The following IDE variants were observed in gnomAD, a reference collection of about 807,000 sequenced individuals.
IDE encodes the protein insulin-degrading enzyme.
In IDE, 58 loss-of-function variants were observed where a neutral mutation model predicts 133.2. The observed-to-expected ratio is 0.44, with a 90% CI of 0.35 to 0.54. The LOEUF (loss-of-function observed/expected upper bound fraction) is 0.54. Among genes scored for constraint, IDE ranks in the 20% least tolerant of loss-of-function variants. The probability of loss-of-function intolerance (pLI) is 0.00; values close to 1 mark genes in which losing one functional copy is unlikely to be tolerated. For missense variants in IDE, 981 were observed against 1,234.0 expected (o/e 0.79, Z 3.07); for synonymous variants, 396 against 421.3 (o/e 0.94, Z 0.73).
At chr10:92,492,271 G>A (rs181830707) in intron 11 of IDE, among the ~76,000 whole-genome samples, 1 of 149,830 alleles carries the variant, frequency 6.7e-6, no homozygotes, top group Non-Finnish European at 1.5e-5. Context: ...AAAAAAAAAA[G>A]AAAAGAAAAA....
chr10:92,524,795 C>T (rs1589475190), intron 4 of IDE, among the ~76,000 whole-genome samples: 1 of 150,508 alleles, frequency 6.6e-6, no homozygotes, highest in Non-Finnish European at 1.5e-5. Context: ...TGGTAATGGG[C>T]GCTGCAATCC....
intron 21 of IDE, among the ~76,000 whole-genome samples, chr10:92,463,502 T>C (rs1845505252): frequency 6.6e-6 from 1 of 152,142 alleles, no homozygotes. Context: ...TTGTGAGATA[T>C]GGGTAGATCC....
At chr10:92,534,822 C>T (rs1285530983) in intron 2 of IDE, 37 bp from the exon 3 acceptor site, 2 of 1,502,736 alleles carry the variant, frequency 1.3e-6, no homozygotes, top group South Asian at 1.1e-5. Context: ...AATCATTGTC[C>T]TATGCTGAAA....
At chr10:92,490,803 C>T (rs896986819) in intron 11 of IDE, among the ~76,000 whole-genome samples, 2 of 152,062 alleles carry the variant, frequency 1.3e-5, no homozygotes, top group East Asian at 3.9e-4. Flanking sequence ...AGTTACAGTC[C>T]ATTATTTTTA....
chr10:92,570,130 T>C (rs1228453413), intron 1 of IDE, among the ~76,000 whole-genome samples: 5 of 152,082 alleles, frequency 3.3e-5, no homozygotes, highest in African/African-American at 1.2e-4. Flanking sequence ...GTTACACTTT[T>C]AATAGGCAAA....
chr10:92,572,337 C>A (rs1843825172), intron 1 of IDE, among the ~76,000 whole-genome samples: 1 of 152,206 alleles, frequency 6.6e-6, no homozygotes, highest in South Asian at 2.1e-4. Context: ...CCACCTGATT[C>A]TCTAAGTTCA....
intron 1 of IDE, among the ~76,000 whole-genome samples, chr10:92,544,226 C>T (rs112390837): frequency 0.022 from 3,242 of 147,790 alleles, 45 homozygotes; most frequent in Admixed American, 0.051. Flanking sequence ...GAGCGAGACA[C>T]CATCTCAAAA....
In IDE at chr10:92,524,388, A is replaced by G. The variant is rs1849437826; in HGVS notation, c.661+7360T>C. On this transcript the variant is annotated intron_variant, in intron 4 of 24. Transcript: ENST00000265986. The stretch of plus-strand genomic sequence containing the variant: ...TTATAATATATATTATATATAATAT[A>G]TTTTATATAATATATAATATATATT... Among the ~76,000 whole-genome samples the G allele has an allele frequency of 2.1e-5, 2 of 95,986 alleles. 1 individual carries two copies. The highest frequency in any genetic ancestry group is 3.8e-5 in the Non-Finnish European group (2 of 52,580). The allele number at this position is 95,986 out of a possible 152,430, so 63.0% of individuals were successfully genotyped here.
At chr10:92,561,440 A>G (rs1157863873) in intron 1 of IDE, among the ~76,000 whole-genome samples, 2 of 151,964 alleles carry the variant, frequency 1.3e-5, no homozygotes, top group African/African-American at 4.8e-5. Flanking sequence ...GGCAAAGGGT[A>G]GTCCTGCAAG....
rs781713012 is a variant in IDE, at chr10:92,510,090, G to A, written c.857C>T (p.Pro286Leu). 1.9e-6 allele frequency: 3 copies of A among 1,604,646 alleles called. No individual in the cohort carries two copies. The highest frequency in any genetic ancestry group is 1.7e-5 in the Admixed American group (1 of 59,548). Residue 286 changes from proline to leucine, a missense_variant, in exon 6 of 25, where the codon CCA becomes CTA. Physicochemically the swap from Pro to Leu is moderately conservative, Grantham distance 98. Around this residue, in one of 2 missense-constraint regions of IDE, gnomAD observed 321 missense variants for 339.3 expected, o/e 0.95. Transcript: ENST00000265986. ...TTGGAAAGGGTGTTCAGGAAATTCT[G>A]GCAATGGAACATTTTTGTTCTCTAC... ...SEVENKNVPL[P>L]EFPEHPFQEE...
intron 22 of IDE, among the ~76,000 whole-genome samples, chr10:92,459,977 C>A (rs1845278036): frequency 6.6e-6 from 1 of 151,558 alleles, no homozygotes; most frequent in Admixed American, 6.6e-5. Flanking sequence ...TTACAGGCAC[C>A]CGCCACCATG....
chr10:92,498,652 G>GA (rs1372832869), intron 11 of IDE, among the ~76,000 whole-genome samples: 1 of 152,210 alleles, frequency 6.6e-6, no homozygotes, highest in Middle Eastern at 3.2e-3. Context: ...AGCTACTCGG[G>GA]AGGCTGAGGC....
rs71028827 is a variant in IDE, at chr10:92,552,857, C to CA, written c.99-15308dup. 2.1e-3 allele frequency among the ~76,000 whole-genome samples: 105 copies of CA among 49,362 alleles called. 8 individuals are homozygous for CA. Among genetic ancestry groups the CA allele is most frequent in the African/African-American group, 4.7e-3 (44 of 9,342 alleles). 32.4% of individuals were successfully genotyped at this position (49,362 alleles called of 152,430 possible). A position where few individuals can be genotyped will look rare whatever the true frequency, so the allele number is the denominator to read the frequency against. On this transcript the variant is annotated intron_variant, in intron 1 of 24. Coordinates refer to ENST00000265986, the MANE Select transcript of IDE (RefSeq NM_004969.4). ...TGGGTGACAGAGTAAGACTCAGTCTCAAAAAAAAAAAAAAAAAAAAATTAT... is the reference window on the plus strand; with the variant it reads ...TGGGTGACAGAGTAAGACTCAGTCTCAAAAAAAAAAAAAAAAAAAAAATTAT...
At chr10:92,514,700 AT>A (rs1440729997) in intron 5 of IDE, among the ~76,000 whole-genome samples, 1 of 151,646 alleles carries the variant, frequency 6.6e-6, no homozygotes, top group Non-Finnish European at 1.5e-5. Context: ...TACTGTAGTA[AT>A]TTGTATTTTT....
chr10:92,492,288 C>T (rs1012882210), intron 11 of IDE, among the ~76,000 whole-genome samples: 26 of 151,484 alleles, frequency 1.7e-4, no homozygotes, highest in Admixed American at 1.7e-3. Context: ...AAAAAGTGTT[C>T]AAGGAGGGAA....
chr10:92,462,171 C>A (rs1845428218), intron 21 of IDE, among the ~76,000 whole-genome samples: 1 of 151,492 alleles, frequency 6.6e-6, no homozygotes, highest in Non-Finnish European at 1.5e-5. Flanking sequence ...TAAAAATTAG[C>A]CAGGCATAGT....
intron 6 of IDE, among the ~76,000 whole-genome samples, chr10:92,509,114 C>A (rs1415171755): frequency 6.6e-6 from 1 of 152,178 alleles, no homozygotes; most frequent in Non-Finnish European, 1.5e-5. Flanking sequence ...CTGAACCATG[C>A]AGCTAAATAT....
At chr10:92,530,221 C>T (rs946856471) in intron 4 of IDE, among the ~76,000 whole-genome samples, 8 of 148,528 alleles carry the variant, frequency 5.4e-5, no homozygotes, top group Admixed American at 2.8e-4. Flanking sequence ...AGCCAGACTC[C>T]GTCTCAATAA....
At chr10:92,478,154 T>C (rs1459681757) in intron 15 of IDE, among the ~76,000 whole-genome samples, 1 of 152,218 alleles carries the variant, frequency 6.6e-6, no homozygotes, top group Non-Finnish European at 1.5e-5. Flanking sequence ...CTTAGATGGA[T>C]TTAATAAATG....
Sources: allele counts gnomAD v4.1 joint callset (sites outside exome capture counted in the v4.1 genomes callset), GRCh38; gene constraint gnomAD v4.1.1; regional missense constraint gnomAD v4.1.1; transcripts MANE v1.5; gene names NCBI Gene and HGNC (gene_info 2026-07-23, HGNC 2026-07-21).